CAMTA1: variants seen among roughly 807,000 people sequenced by gnomAD.
The protein encoded by CAMTA1 is calmodulin binding transcription activator 1, also known as calmodulin-binding transcription activator 1.
In CAMTA1, 27 loss-of-function variants were observed where a neutral mutation model predicts 170.9. The observed-to-expected ratio is 0.16, with a 90% CI of 0.12 to 0.22. The LOEUF is 0.22. Ranked by LOEUF, CAMTA1 falls within the 10% of genes least tolerant of loss-of-function variation. The probability of loss-of-function intolerance (pLI) is 1.00; values close to 1 mark genes in which losing one functional copy is unlikely to be tolerated. For missense variants in CAMTA1, 1,619 were observed against 2,217.2 expected, an observed-to-expected ratio of 0.73 and a Z score of 5.42; for synonymous variants, 833 against 891.5, an observed-to-expected ratio of 0.93 and a Z score of 1.17.
intron 2 of CAMTA1, among the ~76,000 whole-genome samples, chr1:6,824,179 G>A (rs1646852426): frequency 6.6e-6 from 1 of 152,074 alleles, no homozygotes; most frequent in Admixed American, 6.6e-5. Context: ...TTGTATATTG[G>A]GGATCTTATG....
At chr1:6,886,776 TTGACCCTTCCCCCAAAA>T (rs756018823) in intron 3 of CAMTA1, among the ~76,000 whole-genome samples, 1 of 152,256 alleles carries the variant, frequency 6.6e-6, no homozygotes, top group Non-Finnish European at 1.5e-5. Flanking sequence ...CACTCCCTTT[TTGACCCTTCCCCCAAAA>T]TAGTGAGGGA....
chr1:7,127,063 C>T (rs751106185), intron 4 of CAMTA1, among the ~76,000 whole-genome samples: 3 of 152,058 alleles, frequency 2.0e-5, no homozygotes, highest in South Asian at 2.1e-4. Context: ...GCCACTGTGC[C>T]GGGTCCAGGA....
At chr1:7,668,942 A>G (rs2096028746) in intron 9 of CAMTA1, among the ~76,000 whole-genome samples, 1 of 152,066 alleles carries the variant, frequency 6.6e-6, no homozygotes, top group Admixed American at 6.6e-5. Context: ...GCTTCCAGAC[A>G]TCCCAAAGTC....
chr1:7,462,596 T>C (rs1405951452), intron 5 of CAMTA1, among the ~76,000 whole-genome samples: 1 of 152,170 alleles, frequency 6.6e-6, no homozygotes, highest in East Asian at 1.9e-4. Flanking sequence ...AGAATAGCTT[T>C]TACATTTTTT....
chr1:7,655,811 G>C (rs750375968), intron 7 of CAMTA1, among the ~76,000 whole-genome samples: 18 of 152,222 alleles, frequency 1.2e-4, no homozygotes, highest in Non-Finnish European at 2.4e-4. Context: ...GCAGTGCATA[G>C]AGCAGGGTTG....
intron 3 of CAMTA1, among the ~76,000 whole-genome samples, chr1:6,835,966 C>T (rs1180523985): frequency 2.0e-5 from 3 of 152,124 alleles, no homozygotes; most frequent in Admixed American, 6.5e-5. Flanking sequence ...ACAATAGTCT[C>T]CCCACTCCTT....
chr1:7,457,435 T>G (rs1469392049), intron 5 of CAMTA1, among the ~76,000 whole-genome samples: 6 of 151,400 alleles, frequency 4.0e-5, no homozygotes, highest in Non-Finnish European at 1.5e-5. Flanking sequence ...GGGAGGTGGG[T>G]GGGGGCAGAG....
At chr1:7,219,542 T>TAAAAAAA (rs34288461) in intron 4 of CAMTA1, 1 of 65,278 alleles carries the variant, frequency 1.5e-5, no homozygotes, top group African/African-American at 6.0e-5. Context: ...AATTTTTTCT[T>TAAAAAAA]AAAAAAAAAA....
chr1:6,815,786 C>T (rs1340469306), intron 1 of CAMTA1, among the ~76,000 whole-genome samples: 1 of 152,108 alleles, frequency 6.6e-6, no homozygotes, highest in Non-Finnish European at 1.5e-5. Flanking sequence ...TGGGCATCAC[C>T]TGGGGGCTTG....
chr1:7,650,635 C>G (rs17031237), intron 7 of CAMTA1, among the ~76,000 whole-genome samples: 30,208 of 152,160 alleles, frequency 0.2, 10,039 homozygotes, highest in African/African-American at 0.69. Context: ...GACAGGCTCA[C>G]TGGGGACACG....
intron 4 of CAMTA1, among the ~76,000 whole-genome samples, chr1:7,168,103 T>C (rs1648865471): frequency 6.6e-6 from 1 of 152,234 alleles, no homozygotes; most frequent in Admixed American, 6.5e-5. Context: ...TTATAAACTT[T>C]AGCTTTTAAA....
chr1:7,511,838 C>A (rs187915503), intron 6 of CAMTA1, among the ~76,000 whole-genome samples: 1 of 152,198 alleles, frequency 6.6e-6, no homozygotes, highest in African/African-American at 2.4e-5. Flanking sequence ...CCCCAAACTC[C>A]ACTTTGTAGA....
In CAMTA1 at chr1:7,588,721, AGGTACCTGCCCCTGGAGCG is replaced by A. The variant is rs1171009975; in HGVS notation, c.511-51676_511-51658del. Reference sequence around the variant, plus strand: ...GATGGACCTCTGCTCTCTGCCAGTGAGGTACCTGCCCCTGGAGCGGGACCAACAGCTCCAGGCAGGAGAT... The same window carrying A: ...GATGGACCTCTGCTCTCTGCCAGTGAGGACCAACAGCTCCAGGCAGGAGAT... On this transcript the variant is annotated intron_variant, in intron 6 of 22. Transcript: ENST00000303635. The surrounding 1 kb of genome is among the most constrained non-coding windows in gnomAD (Gnocchi z 5.8). 6.6e-6 allele frequency among the ~76,000 whole-genome samples: 1 copy of A among 152,174 alleles called. No homozygotes were observed. The highest frequency in any genetic ancestry group is 2.4e-5 in the African/African-American group (1 of 41,450).
intron 6 of CAMTA1, among the ~76,000 whole-genome samples, chr1:7,508,975 C>T (rs1575711191): frequency 6.6e-6 from 1 of 152,198 alleles, no homozygotes; most frequent in East Asian, 1.9e-4. Context: ...ATGCCCATGG[C>T]CTGAGACCAG....
At chr1:6,905,188 C>CTTTTTTT (rs34960802) in intron 3 of CAMTA1, among the ~76,000 whole-genome samples, 10 of 109,900 alleles carry the variant, frequency 9.1e-5, no homozygotes, top group East Asian at 5.4e-4. Flanking sequence ...TGCCTTGTTC[C>CTTTTTTT]TTTTTTTTTT....
intron 3 of CAMTA1, among the ~76,000 whole-genome samples, chr1:6,849,364 A>G (rs1659531565): frequency 6.6e-6 from 1 of 152,088 alleles, no homozygotes; most frequent in Non-Finnish European, 1.5e-5. Context: ...TACGGATAAA[A>G]TTTTCCTTGG....
At chr1:7,159,871 G>A (rs188154399) in intron 4 of CAMTA1, among the ~76,000 whole-genome samples, 25 of 152,236 alleles carry the variant, frequency 1.6e-4, no homozygotes, top group African/African-American at 5.3e-4. Context: ...GTAGAGGATC[G>A]CCTTGCCCCT....
Position 7,633,827 on chromosome 1 carries a change from C to T in CAMTA1, c.511-6573C>T, listed in dbSNP as rs2095689173. On this transcript the variant is annotated intron_variant, in intron 6 of 22. Coordinates refer to ENST00000303635, the MANE Select transcript of CAMTA1 (RefSeq NM_015215.4). The surrounding 1 kb of genome is among the most constrained non-coding windows in gnomAD (Gnocchi z 4.1). ...AGCGGAAACTGAGAGATTAGTGCTG[C>T]AAAGACAGCGAGGCGGGAACCAGGC... 6.6e-6 allele frequency among the ~76,000 whole-genome samples: 1 copy of T among 152,244 alleles called. No individual in the cohort carries two copies.
At chr1:7,730,404 C>G (rs986086743) in intron 11 of CAMTA1, among the ~76,000 whole-genome samples, 5 of 152,176 alleles carry the variant, frequency 3.3e-5, no homozygotes, top group African/African-American at 1.2e-4. Context: ...GGCCTCAGTT[C>G]TGGACATGTT....
Sources: allele counts gnomAD v4.1 joint callset (sites outside exome capture counted in the v4.1 genomes callset), GRCh38; gene constraint gnomAD v4.1.1; non-coding constraint Gnocchi (gnomAD v3.1); transcripts MANE v1.5; gene names NCBI Gene and HGNC (gene_info 2026-07-23, HGNC 2026-07-21).